The following NFIB variants were observed in gnomAD, a reference collection of about 807,000 sequenced individuals.
NFIB encodes nuclear factor I B, also known as nuclear factor 1 B-type.
A neutral mutation model predicts 61.5 loss-of-function variants in NFIB; 11 were observed. The observed-to-expected ratio is 0.18, with a 90% confidence interval of 0.11 to 0.30. NFIB has a LOEUF of 0.30. NFIB is among the 10% of genes least tolerant of loss of function. The pLI is 1.00. For synonymous variants in NFIB, 260 were observed against 216.5 expected (o/e 1.20, Z -1.76); for missense variants, 471 against 608.9 (o/e 0.77, Z 2.38).
At chr9:14,165,732 T>A (rs1253816725) in intron 3 of NFIB, among the ~76,000 whole-genome samples, 9 of 152,162 alleles carry the variant, frequency 5.9e-5, no homozygotes, top group Admixed American at 3.9e-4. Flanking sequence ...CTTAAAAATG[T>A]AATCTGGAAA....
At chr9:14,295,031 T>C (rs534552166) in intron 2 of NFIB, among the ~76,000 whole-genome samples, 100 of 152,342 alleles carry the variant, frequency 6.6e-4, no homozygotes, top group Admixed American at 3.8e-3. Context: ...AAGAAGTAAA[T>C]GTTGTAACCA....
At chr9:14,426,375 T>G in the NFIB span, among the ~76,000 whole-genome samples, 1 of 152,200 alleles carries the variant, frequency 6.6e-6, no homozygotes, top group African/African-American at 2.4e-5. Flanking sequence ...CATACTTTTA[T>G]GATGACACAT....
At chr9:14,219,253 CAAG>C (rs1214883333) in intron 2 of NFIB, among the ~76,000 whole-genome samples, 1 of 152,114 alleles carries the variant, frequency 6.6e-6, no homozygotes, top group Admixed American at 6.5e-5. Context: ...GTATTTTCAA[CAAG>C]AAGAGCAAAT....
the NFIB span, among the ~76,000 whole-genome samples, chr9:14,439,100 G>C: frequency 6.6e-6 from 1 of 152,228 alleles, no homozygotes. Flanking sequence ...GCTCGGCGTT[G>C]TGGCTCGTGC....
chr9:14,416,060 T>C, the NFIB span, among the ~76,000 whole-genome samples: 2 of 152,190 alleles, frequency 1.3e-5, no homozygotes, highest in Admixed American at 1.3e-4. Flanking sequence ...AAGAAGAAAT[T>C]TGTATAAACC....
the NFIB span, among the ~76,000 whole-genome samples, chr9:14,438,757 G>T: frequency 6.1e-3 from 933 of 152,212 alleles, 11 homozygotes; most frequent in African/African-American, 0.021. Context: ...CGTGAGCGGG[G>T]GCTGATCCAT....
chr9:14,154,415 C>T (rs1012922736), intron 4 of NFIB, among the ~76,000 whole-genome samples: 1 of 152,148 alleles, frequency 6.6e-6, no homozygotes, highest in African/African-American at 2.4e-5. Flanking sequence ...CTTCAGATAA[C>T]CCCTGTCTTA....
chr9:14,166,514 C>T (rs1045249638), intron 3 of NFIB, among the ~76,000 whole-genome samples: 1 of 152,254 alleles, frequency 6.6e-6, no homozygotes, highest in African/African-American at 2.4e-5. Flanking sequence ...TCTTCATCCA[C>T]GAAATGTAAA....
the NFIB span, among the ~76,000 whole-genome samples, chr9:14,506,422 A>G: frequency 6.6e-6 from 1 of 152,204 alleles, no homozygotes; most frequent in Non-Finnish European, 1.5e-5. Flanking sequence ...GAAGAAGGAT[A>G]GGCTACTGCA....
chr9:14,089,865 G>A (rs1177488207), intron 10 of NFIB, among the ~76,000 whole-genome samples: 2 of 151,926 alleles, frequency 1.3e-5, no homozygotes, highest in Admixed American at 1.3e-4. Flanking sequence ...GTGATACCTC[G>A]ATACAAAATG....
rs2032416357 is a variant in NFIB, at chr9:14,083,809, C to G, written c.*4500G>C. ...GTTGAGTCCTTATGAAGCTACAAGTCACAAATCCAAGATTCTGCTCCCTGA... is the reference window on the plus strand; with the variant it reads ...GTTGAGTCCTTATGAAGCTACAAGTGACAAATCCAAGATTCTGCTCCCTGA... On this transcript the variant is annotated 3_prime_UTR_variant, in exon 11 of 11. Coordinates refer to ENST00000380953, the MANE Select transcript of NFIB (RefSeq NM_001190737.2). 2.2e-5 allele frequency: 5 copies of G among 226,598 alleles called. No homozygotes were observed. Among genetic ancestry groups the G allele is most frequent in the African/African-American group, 4.5e-5 (2 of 44,932 alleles). The allele number at this position is 226,598 out of a possible 1,614,324, so 14.0% of individuals were successfully genotyped here. A position where few individuals can be genotyped will look rare whatever the true frequency, so the allele number is the denominator to read the frequency against.
intron 2 of NFIB, among the ~76,000 whole-genome samples, chr9:14,221,787 T>G (rs1190520198): frequency 6.6e-6 from 1 of 152,248 alleles, no homozygotes; most frequent in Admixed American, 6.5e-5. Context: ...TTATGCCCTG[T>G]ATGCCAGCTA....
intron 2 of NFIB, among the ~76,000 whole-genome samples, chr9:14,284,058 G>A (rs1265647525): frequency 6.6e-6 from 1 of 152,112 alleles, no homozygotes; most frequent in African/African-American, 2.4e-5. Context: ...AATATGAGCT[G>A]GGAAGGGGCA....
intron 1 of NFIB, among the ~76,000 whole-genome samples, chr9:14,339,479 C>G (rs1229711966): frequency 6.6e-6 from 1 of 152,162 alleles, no homozygotes; most frequent in Non-Finnish European, 1.5e-5. Context: ...TCTGCCTTTT[C>G]CAGAACAAAC....
chr9:14,262,273 T>C (rs1196409128), intron 2 of NFIB, among the ~76,000 whole-genome samples: 1 of 152,182 alleles, frequency 6.6e-6, no homozygotes, highest in Non-Finnish European at 1.5e-5. Context: ...ATTTACTTTC[T>C]TCCTGCTGGA....
chr9:14,228,245 A>G (rs1160029728), intron 2 of NFIB, among the ~76,000 whole-genome samples: 4 of 147,534 alleles, frequency 2.7e-5, no homozygotes, highest in African/African-American at 7.5e-5. Context: ...TCCAGGCAGG[A>G]GTGCAGTGGC....
chr9:14,485,254 G>T, the NFIB span, among the ~76,000 whole-genome samples: 3 of 152,154 alleles, frequency 2.0e-5, no homozygotes, highest in Non-Finnish European at 4.4e-5. Flanking sequence ...CTAGGGAAGG[G>T]ATATTACAAA....
chr9:14,520,374 A>C, the NFIB span, among the ~76,000 whole-genome samples: 6 of 152,220 alleles, frequency 3.9e-5, no homozygotes, highest in Non-Finnish European at 8.8e-5. Flanking sequence ...AGAATTCAAC[A>C]TGCATTATGA....
At chr9:14,244,205 C>A (rs988424339) in intron 2 of NFIB, among the ~76,000 whole-genome samples, 1 of 152,160 alleles carries the variant, frequency 6.6e-6, no homozygotes, top group African/African-American at 2.4e-5. Context: ...TAAAGATATT[C>A]AGGATTCTCT....
Sources: allele counts gnomAD v4.1 joint callset (sites outside exome capture counted in the v4.1 genomes callset), GRCh38; gene constraint gnomAD v4.1.1; transcripts MANE v1.5; gene names NCBI Gene and HGNC (gene_info 2026-07-23, HGNC 2026-07-21).